Variants in ADAMTSL1 observed in about 807,000 individuals in gnomAD.
ADAMTSL1 encodes ADAMTS like 1.
A neutral mutation model predicts 201.8 loss-of-function variants in ADAMTSL1; 126 were observed. That is an observed-to-expected ratio of 0.62 (90% CI 0.54 to 0.72). The LOEUF (loss-of-function observed/expected upper bound fraction) is 0.72. Ranked by LOEUF, ADAMTSL1 falls within the 30% of genes least tolerant of loss-of-function variation. The pLI, the probability that ADAMTSL1 is intolerant of heterozygous loss-of-function variation, is 0.00. For synonymous variants in ADAMTSL1, 1,121 were observed against 903.4 expected, an observed-to-expected ratio of 1.24 and a Z score of -4.32; for missense variants, 2,679 against 2,277.8, an observed-to-expected ratio of 1.18 and a Z score of -3.59.
intron 2 of ADAMTSL1, among the ~76,000 whole-genome samples, chr9:18,418,778 C>T (rs1342875298): frequency 1.3e-5 from 2 of 152,108 alleles, no homozygotes; most frequent in African/African-American, 4.8e-5. Context: ...ACAAATTGGT[C>T]TATAGATTTT....
chr9:18,310,446 T>G (rs1027881364), intron 2 of ADAMTSL1, among the ~76,000 whole-genome samples: 2 of 142,914 alleles, frequency 1.4e-5, no homozygotes, highest in Non-Finnish European at 3.0e-5. Flanking sequence ...AGAAAAATTT[T>G]GCAATCTATC....
chr9:18,329,727 C>A (rs745945012), intron 2 of ADAMTSL1, among the ~76,000 whole-genome samples: 2 of 152,172 alleles, frequency 1.3e-5, no homozygotes, highest in Non-Finnish European at 2.9e-5. Flanking sequence ...CATGTCTTTC[C>A]TCTGAATATA....
chr9:18,276,418 T>A (rs1325639567), intron 2 of ADAMTSL1, among the ~76,000 whole-genome samples: 1 of 152,224 alleles, frequency 6.6e-6, no homozygotes, highest in Non-Finnish European at 1.5e-5. Flanking sequence ...TTTGCCTAAC[T>A]CAAGTTCTCT....
rs1172813973 is a variant in ADAMTSL1 at position 18,493,586 on chromosome 9, G to T, written c.64-11243G>T. ...GCTAGATTAAGCCAAGATGTGACAGGTTAATCATCTTTCAGCTTTACACAT... is the reference window on the plus strand; with the variant it reads ...GCTAGATTAAGCCAAGATGTGACAGTTTAATCATCTTTCAGCTTTACACAT... On this transcript the variant is annotated intron_variant, in intron 1 of 28. Coordinates refer to ENST00000380548, the MANE Select transcript of ADAMTSL1 (RefSeq NM_001040272.6). Among the ~76,000 whole-genome samples, 6 of 152,180 alleles carry T rather than the reference G, an allele frequency of 3.9e-5. No homozygotes were observed. The East Asian group carries it at 1.2e-3, about 29-fold the overall frequency.
intron 1 of ADAMTSL1, among the ~76,000 whole-genome samples, chr9:18,141,120 A>C (rs1826380273): frequency 6.6e-6 from 1 of 152,172 alleles, no homozygotes; most frequent in Non-Finnish European, 1.5e-5. Context: ...CTGGGCTCGA[A>C]GCTAGTAGTG....
intron 23 of ADAMTSL1, among the ~76,000 whole-genome samples, chr9:18,840,027 C>T (rs980326399): frequency 1.3e-5 from 2 of 149,752 alleles, no homozygotes; most frequent in African/African-American, 2.5e-5. Context: ...TGTGCAGAAG[C>T]TCTTTAGTTT....
At chr9:18,334,863 C>G (rs1044144432) in intron 2 of ADAMTSL1, among the ~76,000 whole-genome samples, 2 of 152,176 alleles carry the variant, frequency 1.3e-5, no homozygotes, top group African/African-American at 4.8e-5. Context: ...GTATCCAAGT[C>G]AGGGGCTAAA....
chr9:18,837,339 A>G (rs990023782), intron 23 of ADAMTSL1, among the ~76,000 whole-genome samples: 4 of 152,158 alleles, frequency 2.6e-5, no homozygotes, highest in East Asian at 1.9e-4. Flanking sequence ...ATCCACTACA[A>G]TTTGCTGAAA....
intron 2 of ADAMTSL1, among the ~76,000 whole-genome samples, chr9:18,505,245 A>T (rs1377359830): frequency 2.0e-5 from 3 of 152,228 alleles, no homozygotes; most frequent in Non-Finnish European, 4.4e-5. Context: ...TAGGACTGGA[A>T]GGAGTATTTA....
At chr9:17,975,927 C>G (rs1818427743) in intron 1 of ADAMTSL1, among the ~76,000 whole-genome samples, 1 of 151,914 alleles carries the variant, frequency 6.6e-6, no homozygotes, top group Non-Finnish European at 1.5e-5. Flanking sequence ...TGATTTTATT[C>G]TTTTGCATGT....
chr9:18,395,689 G>T (rs1375255647), intron 2 of ADAMTSL1, among the ~76,000 whole-genome samples: 1 of 152,132 alleles, frequency 6.6e-6, no homozygotes, highest in East Asian at 1.9e-4. Flanking sequence ...AACTGCAAGT[G>T]GTCAAAGACC....
At chr9:18,886,851 T>C (rs138797778) in intron 23 of ADAMTSL1, among the ~76,000 whole-genome samples, 1 of 152,224 alleles carries the variant, frequency 6.6e-6, no homozygotes, top group East Asian at 1.9e-4. Context: ...GTGTCTCGTA[T>C]CTCATCATCT....
intron 1 of ADAMTSL1, among the ~76,000 whole-genome samples, chr9:17,908,267 C>T (rs1170006202): frequency 2.0e-5 from 3 of 152,306 alleles, no homozygotes; most frequent in Admixed American, 6.5e-5. Flanking sequence ...GCTTCCCAGC[C>T]ATGGCTGCAC....
chr9:18,744,649 G>A (rs1009297449), intron 15 of ADAMTSL1, among the ~76,000 whole-genome samples: 3 of 152,304 alleles, frequency 2.0e-5, no homozygotes, highest in Admixed American at 2.0e-4. Flanking sequence ...ACAGCCCTGG[G>A]AAGTAGGTAT....
At position 18,777,145 on chromosome 9, in the gene ADAMTSL1, G is replaced by C. The variant is rs1821075916; in HGVS notation, c.2916G>C (p.Leu972Phe). 8 of 1,613,008 alleles carry C rather than the reference G, an allele frequency of 5.0e-6. No homozygotes were observed. The highest frequency in any genetic ancestry group is 4.2e-6 in the Non-Finnish European group (5 of 1,179,824). The change falls in exon 19 of 29, where the codon TTG becomes TTC. Residue 972 changes from leucine (L) to phenylalanine (F), a missense_variant. Coordinates refer to ENST00000380548, the MANE Select transcript of ADAMTSL1 (RefSeq NM_001040272.6). The stretch of plus-strand genomic sequence containing the variant: ...ACCGCAAGCTCGTGGCCCGGCCCTT[G>C]AGCCCGAGAAGTGAGGAAGAGGTGC... ...GGNRKLVARP[L>F]SPRSEEEVLA...
chr9:18,170,085 C>T (rs1418265513), intron 2 of ADAMTSL1, among the ~76,000 whole-genome samples: 2 of 151,816 alleles, frequency 1.3e-5, no homozygotes, highest in Admixed American at 6.6e-5. Flanking sequence ...ATCTGTTACC[C>T]TGTGGGGTTT....
intron 1 of ADAMTSL1, among the ~76,000 whole-genome samples, chr9:18,052,705 T>G (rs1320586886): frequency 1.3e-5 from 2 of 152,180 alleles, no homozygotes; most frequent in Non-Finnish European, 2.9e-5. Flanking sequence ...AAAAACAGCA[T>G]CATCATCATT....
At chr9:18,245,505 G>A (rs1273997170) in intron 2 of ADAMTSL1, among the ~76,000 whole-genome samples, 1 of 152,056 alleles carries the variant, frequency 6.6e-6, no homozygotes, top group East Asian at 1.9e-4. Context: ...GGCACTTTAG[G>A]CTAATACAAA....
chr9:18,128,004 T>A (rs931003664), intron 1 of ADAMTSL1, among the ~76,000 whole-genome samples: 1 of 152,184 alleles, frequency 6.6e-6, no homozygotes, highest in Admixed American at 6.5e-5. Context: ...TTTAGATGCT[T>A]TTCATTAAGA....
Sources: gnomAD v4.1 joint callset for allele counts (sites outside exome capture counted in the v4.1 genomes callset) on GRCh38, gnomAD v4.1.1 for gene constraint, MANE v1.5 for transcripts, NCBI Gene and HGNC (gene_info 2026-07-23, HGNC 2026-07-21) for gene names.